The following TJP2 variants were observed in gnomAD, a reference collection of about 807,000 sequenced individuals.
The protein encoded by TJP2 is Friedreich ataxia region gene X104 (tight junction protein ZO-2).
A neutral mutation model predicts 133.1 loss-of-function variants in TJP2; 91 were observed. The ratio of observed to expected loss-of-function variants is 0.68; its 90% CI spans 0.58 to 0.81. The LOEUF (loss-of-function observed/expected upper bound fraction) is 0.81, where lower values mean the gene tolerates loss of function less well. Among genes scored for constraint, TJP2 ranks in the 40% least tolerant of loss-of-function variants. The probability of loss-of-function intolerance (pLI) is 0.00; values close to 1 mark genes in which losing one functional copy is unlikely to be tolerated. For missense variants in TJP2, 1,541 were observed against 1,565.6 expected, an observed-to-expected ratio of 0.98 and a Z score of 0.26; for synonymous variants, 592 against 583.4, an observed-to-expected ratio of 1.01 and a Z score of -0.21.
At position 69,146,566 on chromosome 9, in the gene TJP2, C is replaced by T. The variant is rs116910772; in HGVS notation, c.-130-5085C>T. The stretch of plus-strand genomic sequence containing the variant: ...TTATTTTTATCATATGAGCAATGTA[C>T]ATTCATTATAGAAGATTTAGAAAAT... On this transcript the variant is annotated intron_variant, in intron 1 of 5. Coordinates refer to the TJP2 transcript ENST00000423935. Among the ~76,000 whole-genome samples the T allele has an allele frequency of 1.9e-3, 287 of 152,246 alleles. 1 individual carries two copies. Among genetic ancestry groups the T allele is most frequent in the Non-Finnish European group, 3.5e-3 (239 of 68,010 alleles).
At chr9:69,233,107 A>G (rs1040258415) in intron 11 of TJP2, among the ~76,000 whole-genome samples, 5 of 152,262 alleles carry the variant, frequency 3.3e-5, no homozygotes, top group Non-Finnish European at 7.3e-5. Flanking sequence ...ATGATTCCTA[A>G]TTGGGGGACA....
At position 69,252,890 on chromosome 9, in the gene TJP2, C is replaced by T. The variant is rs10122717; in HGVS notation, c.3397C>T (p.Gln1133Ter). The T allele has an allele frequency of 4.3e-6, 7 of 1,614,048 alleles. No individual in the cohort carries two copies. In the African/African-American group the frequency reaches 9.3e-5, roughly 22 times the overall value. The change falls in exon 22 of 23, where the codon CAG becomes TAG. Residue 1133 changes from glutamine to a stop codon, truncating the protein, a stop_gained. Transcript: ENST00000377245. LOFTEE classifies it high-confidence loss of function. ...KTHKPDPGTP[Q>*]HTSSRPPEPQ... The stretch of plus-strand genomic sequence containing the variant: ...GCACAAGCCAGACCCTGGCACGCCC[C>T]AGCACACGAGGTAAGGGCTGCCTAG...
rs1465625066 is a variant in TJP2, at chr9:69,155,238, A to T, written c.-10+3467A>T. On this transcript the variant is annotated intron_variant, in intron 2 of 5. Coordinates refer to the TJP2 transcript ENST00000423935. ...TGAAACTCCATTTCCAAAAAAAAAA[A>T]AAAAAAAAAAAGGAAAAGAAAACAA... is the stretch of plus-strand genomic sequence containing the variant. 1.6e-4 allele frequency among the ~76,000 whole-genome samples: 24 copies of T among 151,772 alleles called. No homozygotes were observed. In the East Asian group the frequency reaches 4.4e-3, roughly 28 times the overall value.
intron 11 of TJP2, among the ~76,000 whole-genome samples, chr9:69,232,097 A>C (rs1456825678): frequency 6.6e-6 from 1 of 152,136 alleles, no homozygotes; most frequent in Admixed American, 6.5e-5. Flanking sequence ...GGTGGATAAA[A>C]AGTCATGGTA....
In TJP2 at chr9:69,218,332, C is replaced by A. The variant is rs1588084969; in HGVS notation, c.315C>A (p.Leu105=). ...DVLHSFAVQQ[L]RKSGKVAAIV... The stretch of plus-strand genomic sequence containing the variant: ...TTCATTCGTTTGCAGTTCAGCAGCT[C>A]AGAAAAAGTGGGAAGGTCGCTGCTA... The change falls in exon 4 of 23, where the codon CTC becomes CTA. Residue 105 remains leucine (L), a synonymous_variant. Coordinates refer to ENST00000377245, the MANE Select transcript of TJP2 (RefSeq NM_004817.4). The A allele has an allele frequency of 6.2e-7, 1 of 1,614,180 alleles. No individual in the cohort carries two copies. Among genetic ancestry groups the A allele is most frequent in the Non-Finnish European group, 8.5e-7 (1 of 1,180,020 alleles).
intron 1 of TJP2, 50 bp downstream of exon 1, chr9:69,174,482 G>GCGTGAC (rs1206916739): frequency 2.0e-6 from 3 of 1,531,858 alleles, no homozygotes; most frequent in Admixed American, 3.9e-5. Context: ...GTGAGCGTGA[G>GCGTGAC]CGTGGGAGCG....
chr9:69,161,305 C>G (rs183076721), intron 2 of TJP2, among the ~76,000 whole-genome samples: 1 of 151,944 alleles, frequency 6.6e-6, no homozygotes, highest in Non-Finnish European at 1.5e-5. Context: ...CTTGGCTCAC[C>G]GCAACCTCCG....
chr9:69,144,928 G>A (rs555579765), intron 1 of TJP2, among the ~76,000 whole-genome samples: 128 of 152,290 alleles, frequency 8.4e-4, no homozygotes, highest in African/African-American at 3.0e-3. Context: ...ACCATGATAG[G>A]TGGTCCACCT....
intron 1 of TJP2, among the ~76,000 whole-genome samples, chr9:69,183,306 C>G (rs1825641453): frequency 6.6e-6 from 1 of 152,216 alleles, no homozygotes; most frequent in African/African-American, 2.4e-5. Context: ...TTCCATCACT[C>G]TGGAAGGTTC....
At position 69,254,357 on chromosome 9, in the gene TJP2, C is replaced by G. The variant is rs112109886; in HGVS notation, c.3556C>G (p.Arg1186Gly). ...TTACTATGGCCAGTCTGCCCGATAC[C>G]GGGACACAGAATTATAGATGTCTGA... ...RGYYGQSARY[R>G]DTEL Residue 1186 changes from arginine (R) to glycine (G), a missense_variant, in exon 23 of 23, where the codon CGG (arginine) becomes GGG (glycine). Coordinates refer to ENST00000377245, the MANE Select transcript of TJP2 (RefSeq NM_004817.4). 5 of 1,614,194 alleles carry G rather than the reference C, an allele frequency of 3.1e-6. No homozygotes were observed.
At chr9:69,234,970 C>T (rs988867922) in intron 12 of TJP2, among the ~76,000 whole-genome samples, 3 of 152,152 alleles carry the variant, frequency 2.0e-5, no homozygotes, top group African/African-American at 7.2e-5. Context: ...AGAGTGTCCT[C>T]CTTGTCTGCT....
chr9:69,221,456 G>A lies in TJP2; in HGVS notation c.912G>A (p.Gly304=), dbSNP rs1828849959. The change falls in exon 5 of 23, where the codon GGG becomes GGA. Residue 304 remains glycine, a synonymous_variant. Transcript: ENST00000377245. ...SPSPEPRGRP[G]PIGVLLMKSR... is the part of the protein sequence containing the mutation. ...GCCCCGAGCCTAGGGGGCGGCCGGGGCCCATCGGGGTCCTCCTGATGAAAA... is the reference window on the plus strand; with the variant it reads ...GCCCCGAGCCTAGGGGGCGGCCGGGACCCATCGGGGTCCTCCTGATGAAAA... 6.3e-7 allele frequency: 1 copy of A among 1,597,212 alleles called. No individual in the cohort carries two copies. Among genetic ancestry groups the A allele is most frequent in the South Asian group, 1.1e-5 (1 of 88,552 alleles).
Position 69,234,555 on chromosome 9 carries a change from AATTTGGTC to A in TJP2, c.1780+13_1780+20del. On this transcript the variant is annotated intron_variant, in intron 12 of 22. Coordinates refer to ENST00000377245, the MANE Select transcript of TJP2 (RefSeq NM_004817.4). ...CTCAGAGCCGAGCCGATGGTGAGCAAATTTGGTCATTTAGTTTAGTTGGGGTGGGGGTG... is the reference window on the plus strand; with the variant it reads ...CTCAGAGCCGAGCCGATGGTGAGCAAATTTAGTTTAGTTGGGGTGGGGGTG... 3.0e-6 allele frequency: 2 copies of A among 664,356 alleles called. No individual in the cohort carries two copies. The highest frequency in any genetic ancestry group is 4.8e-6 in the Non-Finnish European group (2 of 413,238). 41.2% of individuals were successfully genotyped at this position (664,356 alleles called of 1,614,324 possible).
intron 1 of TJP2, among the ~76,000 whole-genome samples, chr9:69,180,562 C>T (rs1466325374): frequency 6.6e-6 from 1 of 152,166 alleles, no homozygotes; most frequent in African/African-American, 2.4e-5. Flanking sequence ...AAGCTGAGCA[C>T]ACCTGAGACC....
At chr9:69,203,963 C>T (rs149304261) in intron 1 of TJP2, among the ~76,000 whole-genome samples, 1 of 152,272 alleles carries the variant, frequency 6.6e-6, no homozygotes, top group East Asian at 1.9e-4. Context: ...TCTCATTTAA[C>T]TGTCATAACA....
chr9:69,188,575 A>G (rs1476797710), intron 1 of TJP2, among the ~76,000 whole-genome samples: 1 of 152,192 alleles, frequency 6.6e-6, no homozygotes, highest in African/African-American at 2.4e-5. Context: ...AAATATTTGT[A>G]TTCCTAGAGA....
chr9:69,142,016 C>CA (rs1172762744), intron 1 of TJP2, among the ~76,000 whole-genome samples: 3 of 152,176 alleles, frequency 2.0e-5, no homozygotes, highest in African/African-American at 7.2e-5. Context: ...AGGTGGGATT[C>CA]AAACCAAGTC....
chr9:69,187,966 ATCT>A (rs1203570554), intron 1 of TJP2, among the ~76,000 whole-genome samples: 2 of 152,122 alleles, frequency 1.3e-5, no homozygotes, highest in African/African-American at 4.8e-5. Flanking sequence ...AAATATGGAG[ATCT>A]TCTGAACCTG....
At chr9:69,238,068 C>A in intron 15 of TJP2, 95 bp downstream of exon 15, 1 of 811,884 alleles carries the variant, frequency 1.2e-6, no homozygotes. Context: ...ACGTACCCTT[C>A]ACCTGGAATC....
Sources: gnomAD v4.1 joint callset for allele counts (sites outside exome capture counted in the v4.1 genomes callset) on GRCh38, gnomAD v4.1.1 for gene constraint, MANE v1.5 for transcripts, NCBI Gene and HGNC (gene_info 2026-07-23, HGNC 2026-07-21) for gene names.